Variants in CADM2 observed in about 807,000 individuals in gnomAD.
CADM2 encodes the protein immunoglobulin superfamily member 4D.
CADM2 carries 12 observed loss-of-function variants against 49.8 expected under a neutral mutation model. The ratio of observed to expected loss-of-function variants is 0.24; its 90% CI spans 0.15 to 0.39. CADM2 has a LOEUF of 0.39. Ranked by LOEUF, CADM2 falls within the 10% of genes least tolerant of loss-of-function variation. The pLI is 1.00. For synonymous variants in CADM2, 214 were observed against 175.4 expected, an observed-to-expected ratio of 1.22 and a Z score of -1.74; for missense variants, 378 against 492.3, an observed-to-expected ratio of 0.77 and a Z score of 2.20.
At chr3:85,670,267 A>G (rs995713308) in intron 1 of CADM2, among the ~76,000 whole-genome samples, 4 of 152,162 alleles carry the variant, frequency 2.6e-5, no homozygotes, top group African/African-American at 9.7e-5. Context: ...AAATGAAGCT[A>G]TATTGTTTTG....
At chr3:85,532,883 C>A (rs76675747) in intron 1 of CADM2, among the ~76,000 whole-genome samples, 1 of 152,132 alleles carries the variant, frequency 6.6e-6, no homozygotes, top group Non-Finnish European at 1.5e-5. Flanking sequence ...AGGTCATTAT[C>A]CTTAGCAAAC....
chr3:85,680,972 A>G (rs1239935853), intron 1 of CADM2, among the ~76,000 whole-genome samples: 1 of 152,188 alleles, frequency 6.6e-6, no homozygotes, highest in African/African-American at 2.4e-5. Flanking sequence ...TGAAAAATTC[A>G]TGGTCCTTCA....
intron 1 of CADM2, among the ~76,000 whole-genome samples, chr3:85,619,186 C>T (rs894388059): frequency 5.3e-5 from 8 of 152,010 alleles, no homozygotes; most frequent in South Asian, 2.1e-4. Flanking sequence ...AGACACCATG[C>T]GGATTGATAG....
chr3:85,835,559 C>G (rs2074372537), intron 3 of CADM2, among the ~76,000 whole-genome samples: 1 of 150,688 alleles, frequency 6.6e-6, no homozygotes. Context: ...AACTGTAATG[C>G]CTTTTGCTTG....
At chr3:85,220,504 A>G (rs544053052) in intron 1 of CADM2, among the ~76,000 whole-genome samples, 1 of 152,254 alleles carries the variant, frequency 6.6e-6, no homozygotes, top group East Asian at 1.9e-4. Flanking sequence ...CAGGTTCTTG[A>G]GAGTATCTTG....
chr3:85,968,590 A>T (rs1252487174), intron 8 of CADM2, among the ~76,000 whole-genome samples: 2 of 151,638 alleles, frequency 1.3e-5, no homozygotes, highest in East Asian at 3.9e-4. Flanking sequence ...TCATTAAAAA[A>T]ATATTTTCTC....
intron 2 of CADM2, among the ~76,000 whole-genome samples, chr3:85,778,164 T>G (rs954208995): frequency 6.6e-6 from 1 of 152,176 alleles, no homozygotes; most frequent in Non-Finnish European, 1.5e-5. Context: ...TTAGTCTGTT[T>G]ATATTATTTT....
chr3:85,406,364 A>G (rs1211198199), intron 1 of CADM2, among the ~76,000 whole-genome samples: 1 of 152,164 alleles, frequency 6.6e-6, no homozygotes, highest in Non-Finnish European at 1.5e-5. Flanking sequence ...TTTGAAAAAA[A>G]TTCTATAAAA....
At chr3:85,789,232 A>C (rs1434837586) in intron 2 of CADM2, among the ~76,000 whole-genome samples, 1 of 152,152 alleles carries the variant, frequency 6.6e-6, no homozygotes, top group Non-Finnish European at 1.5e-5. Flanking sequence ...TTTAGAATTT[A>C]GTAACATGAT....
intron 1 of CADM2, among the ~76,000 whole-genome samples, chr3:85,157,038 A>G (rs1191745824): frequency 6.6e-6 from 1 of 152,154 alleles, no homozygotes; most frequent in Admixed American, 6.5e-5. Flanking sequence ...ATTCTTATAC[A>G]CCAACAACAG....
intron 8 of CADM2, among the ~76,000 whole-genome samples, chr3:85,984,883 A>G (rs1727907276): frequency 6.6e-6 from 1 of 151,988 alleles, no homozygotes; most frequent in South Asian, 2.1e-4. Context: ...TGGTAATCTC[A>G]ACAAATTTAA....
intron 2 of CADM2, among the ~76,000 whole-genome samples, chr3:85,755,312 T>G (rs192636607): frequency 2.6e-4 from 40 of 152,320 alleles, no homozygotes; most frequent in Non-Finnish European, 2.8e-4. Context: ...CATTATATTT[T>G]TATTATAAAG....
At chr3:86,013,630 C>T in intron 8 of CADM2, 1 of 1,600,628 alleles carries the variant, frequency 6.2e-7, no homozygotes, top group Non-Finnish European at 8.5e-7. Flanking sequence ...TCCATTATCA[C>T]TGACGATGTA....
chr3:85,758,438 C>A (rs1042358219), intron 2 of CADM2, among the ~76,000 whole-genome samples: 2 of 152,088 alleles, frequency 1.3e-5, no homozygotes, highest in African/African-American at 4.8e-5. Context: ...AAAACATTTT[C>A]ATGTTTATGA....
rs567258302 is a variant in CADM2 at position 85,335,099 on chromosome 3, C to T, written c.61+375431C>T. 1.3e-3 allele frequency among the ~76,000 whole-genome samples: 192 copies of T among 151,340 alleles called. 1 individual carries two copies. Among genetic ancestry groups the T allele is most frequent in the African/African-American group, 4.2e-3 (174 of 41,414 alleles). ...ATAAATAAAATGCTACAAACATGTT[C>T]GGTCTTCATGAGAACAAATTGTCCT... On this transcript the variant is annotated intron_variant, in intron 1 of 9. Transcript: ENST00000383699.
chr3:85,360,648 A>G (rs1268370734), intron 1 of CADM2, among the ~76,000 whole-genome samples: 6 of 152,192 alleles, frequency 3.9e-5, no homozygotes, highest in Admixed American at 6.5e-5. Context: ...CACAAATTCA[A>G]TGAATCAAAT....
chr3:85,921,034 G>A (rs1465338734), intron 6 of CADM2, among the ~76,000 whole-genome samples: 2 of 151,760 alleles, frequency 1.3e-5, no homozygotes, highest in African/African-American at 4.8e-5. Context: ...TGTATGTATA[G>A]TACAGATGTT....
At position 85,249,764 on chromosome 3, in the gene CADM2, T is replaced by TA. The variant is rs1176680894; in HGVS notation, c.61+290101dup. On this transcript the variant is annotated intron_variant, in intron 1 of 9. Transcript: ENST00000383699. Reference sequence around the variant, plus strand: ...TGGATTTATTATTTGGTATAATTTTTAAAAATCTCAATTGTTATTCTCTAG... The same window carrying TA: ...TGGATTTATTATTTGGTATAATTTTTAAAAAATCTCAATTGTTATTCTCTAG... Among the ~76,000 whole-genome samples the TA allele has an allele frequency of 4.6e-5, 7 of 152,054 alleles. No homozygotes were observed. The East Asian group carries it at 1.2e-3, about 25-fold the overall frequency.
intron 2 of CADM2, among the ~76,000 whole-genome samples, chr3:85,765,618 A>G (rs1023379599): frequency 5.3e-5 from 8 of 151,800 alleles, no homozygotes; most frequent in African/African-American, 1.9e-4. Flanking sequence ...TTTATTTCTA[A>G]CTCAGATTTT....
Sources: gnomAD v4.1 joint callset for allele counts (sites outside exome capture counted in the v4.1 genomes callset) on GRCh38, gnomAD v4.1.1 for gene constraint, MANE v1.5 for transcripts, NCBI Gene and HGNC (gene_info 2026-07-23, HGNC 2026-07-21) for gene names.